The following CNTNAP4 variants were observed in gnomAD, a reference collection of about 807,000 sequenced individuals.
CNTNAP4 encodes contactin associated protein family member 4.
CNTNAP4 carries 98 observed loss-of-function variants against 148.4 expected under a neutral mutation model. The ratio of observed to expected loss-of-function variants is 0.66; its 90% CI spans 0.56 to 0.78. The LOEUF is 0.78. Ranked by LOEUF, CNTNAP4 falls within the 30% of genes least tolerant of loss-of-function variation. CNTNAP4 has a pLI of 0.00. For synonymous variants in CNTNAP4, 730 were observed against 565.1 expected, an observed-to-expected ratio of 1.29 and a Z score of -4.14; for missense variants, 1,935 against 1,565.6, an observed-to-expected ratio of 1.24 and a Z score of -3.98.
intron 8 of CNTNAP4, among the ~76,000 whole-genome samples, chr16:76,455,703 T>C (rs2080701923): frequency 6.6e-6 from 1 of 152,244 alleles, no homozygotes; most frequent in Non-Finnish European, 1.5e-5. Flanking sequence ...TGAAATACGC[T>C]TGGAAAGAGG....
At chr16:76,442,447 T>G (rs1455070174) in intron 4 of CNTNAP4, among the ~76,000 whole-genome samples, 1 of 152,158 alleles carries the variant, frequency 6.6e-6, no homozygotes, top group Non-Finnish European at 1.5e-5. Flanking sequence ...TATAACAGAA[T>G]ATCTGAGGCT....
chr16:76,283,063 G>C (rs569266301), intron 1 of CNTNAP4, among the ~76,000 whole-genome samples: 2 of 151,948 alleles, frequency 1.3e-5, no homozygotes, highest in East Asian at 3.9e-4. Flanking sequence ...GACTTTCTCT[G>C]AGTGTCAAAG....
intron 1 of CNTNAP4, among the ~76,000 whole-genome samples, chr16:76,281,303 C>A (rs570706863): frequency 3.5e-4 from 54 of 152,154 alleles, no homozygotes; most frequent in African/African-American, 1.3e-3. Flanking sequence ...AAATATAATT[C>A]TATGAGGCAA....
intron 1 of CNTNAP4, among the ~76,000 whole-genome samples, chr16:76,315,574 T>G (rs1961634284): frequency 6.6e-6 from 1 of 152,158 alleles, no homozygotes; most frequent in East Asian, 1.9e-4. Context: ...TATTTGAGGA[T>G]CAATTTATAT....
At chr16:76,309,662 C>G (rs565188650) in intron 1 of CNTNAP4, among the ~76,000 whole-genome samples, 1 of 152,142 alleles carries the variant, frequency 6.6e-6, no homozygotes, top group African/African-American at 2.4e-5. Flanking sequence ...GGCTGTGTCC[C>G]CATTCAAATC....
intron 3 of CNTNAP4, among the ~76,000 whole-genome samples, chr16:76,363,869 T>A (rs137988073): frequency 6.4e-4 from 97 of 152,272 alleles, no homozygotes; most frequent in Middle Eastern, 6.8e-3. Context: ...TTTGCATCTG[T>A]GCACATTCTA....
chr16:76,409,605 A>G (rs1422967970), intron 3 of CNTNAP4, among the ~76,000 whole-genome samples: 2 of 152,024 alleles, frequency 1.3e-5, no homozygotes, highest in African/African-American at 4.8e-5. Flanking sequence ...ATAAAACTCT[A>G]CAGTAAAGAA....
chr16:76,441,232 G>C (rs1049981396), intron 4 of CNTNAP4, among the ~76,000 whole-genome samples: 1 of 151,980 alleles, frequency 6.6e-6, no homozygotes, highest in African/African-American at 2.4e-5. Context: ...AGTGTTCTTT[G>C]TTTTTATGCA....
chr16:76,333,310 A>T (rs2144269327), intron 2 of CNTNAP4, among the ~76,000 whole-genome samples: 1 of 152,288 alleles, frequency 6.6e-6, no homozygotes. Flanking sequence ...TCTTGAATAC[A>T]TATGCTCAAT....
At chr16:76,540,561 TA>T in intron 20 of CNTNAP4, 141 bp from the exon 21 acceptor site, 1 of 315,014 alleles carries the variant, frequency 3.2e-6, no homozygotes, top group Non-Finnish European at 5.8e-6. Flanking sequence ...GCTAAGCTTT[TA>T]AATTTTGTTT....
chr16:76,534,510 A>G (rs2084130412), intron 17 of CNTNAP4, among the ~76,000 whole-genome samples: 1 of 152,040 alleles, frequency 6.6e-6, no homozygotes, highest in Non-Finnish European at 1.5e-5. Context: ...AGGTTAGGGT[A>G]CTCTTTTCCC....
At chr16:76,344,752 A>C (rs1964766361) in intron 2 of CNTNAP4, among the ~76,000 whole-genome samples, 1 of 152,242 alleles carries the variant, frequency 6.6e-6, no homozygotes, top group Admixed American at 6.5e-5. Flanking sequence ...AGATCATCTC[A>C]AAATCCCTAG....
At position 76,285,444 on chromosome 16, in the gene CNTNAP4, A is replaced by G. The variant is rs559487427; in HGVS notation, c.85+7697A>G. ...AAGGTTTTTAAATCACAACGGAAAAAAATGGTGTGATATTATCAGTTGGCC... is the reference window on the plus strand; with the variant it reads ...AAGGTTTTTAAATCACAACGGAAAAGAATGGTGTGATATTATCAGTTGGCC... On this transcript the variant is annotated intron_variant, in intron 1 of 23. Coordinates refer to ENST00000611870, the MANE Select transcript of CNTNAP4 (RefSeq NM_033401.5). 1.9e-3 allele frequency among the ~76,000 whole-genome samples: 291 copies of G among 152,208 alleles called. 2 individuals are homozygous for G. The highest frequency in any genetic ancestry group is 6.1e-3 in the African/African-American group (252 of 41,556).
chr16:76,357,380 A>T (rs2012823376), intron 3 of CNTNAP4, among the ~76,000 whole-genome samples: 1 of 152,194 alleles, frequency 6.6e-6, no homozygotes, highest in East Asian at 1.9e-4. Flanking sequence ...GGGAAAGCCA[A>T]ACCCAGGCAC....
chr16:76,431,505 C>A (rs1173784807), intron 4 of CNTNAP4, among the ~76,000 whole-genome samples: 2 of 152,112 alleles, frequency 1.3e-5, no homozygotes, highest in Non-Finnish European at 2.9e-5. Context: ...ATGGCAAAAC[C>A]CTGTCTCTAC....
intron 17 of CNTNAP4, among the ~76,000 whole-genome samples, chr16:76,525,995 G>A (rs2083715018): frequency 6.6e-6 from 1 of 151,700 alleles, no homozygotes; most frequent in Non-Finnish European, 1.5e-5. Context: ...ATGCATGTGT[G>A]TGCTCATATA....
intron 10 of CNTNAP4, among the ~76,000 whole-genome samples, chr16:76,470,542 C>T (rs1034546630): frequency 6.9e-5 from 10 of 144,036 alleles, no homozygotes; most frequent in Middle Eastern, 7.1e-3. Context: ...CCCAGCTTCT[C>T]GGGAGGCTGA....
Position 76,550,824 on chromosome 16 carries a change from G to A in CNTNAP4, c.3443-2459G>A, listed in dbSNP as rs189207640. The stretch of plus-strand genomic sequence containing the variant: ...GATGAACTGCCTCCTATATAATGAC[G>A]TTATGCTGGATGTTGGCAGTCATCT... On this transcript the variant is annotated intron_variant, in intron 21 of 23. Coordinates refer to ENST00000611870, the MANE Select transcript of CNTNAP4 (RefSeq NM_033401.5). Among the ~76,000 whole-genome samples, 261 of 152,016 alleles carry A rather than the reference G, an allele frequency of 1.7e-3. 1 individual carries two copies. Among genetic ancestry groups the A allele is most frequent in the Non-Finnish European group, 3.2e-3 (216 of 67,976 alleles).
At chr16:76,521,817 T>A (rs1014118898) in intron 16 of CNTNAP4, among the ~76,000 whole-genome samples, 6 of 152,128 alleles carry the variant, frequency 3.9e-5, no homozygotes, top group Non-Finnish European at 7.4e-5. Flanking sequence ...GAATACCATT[T>A]TTTTTTCAAA....
Sources: gnomAD v4.1 joint callset for allele counts (sites outside exome capture counted in the v4.1 genomes callset) on GRCh38, gnomAD v4.1.1 for gene constraint, MANE v1.5 for transcripts, NCBI Gene and HGNC (gene_info 2026-07-23, HGNC 2026-07-21) for gene names.